Variants in TNNI3K observed in about 807,000 individuals in gnomAD.
TNNI3K encodes the protein TNNI3 interacting kinase.
A neutral mutation model predicts 114.5 loss-of-function variants in TNNI3K; 140 were observed. The ratio of observed to expected loss-of-function variants is 1.22; its 90% CI spans 1.07 to 1.41. TNNI3K has a LOEUF of 1.41. Among genes scored for constraint, TNNI3K ranks in the 40% most tolerant of loss-of-function variants. The pLI is 0.00. For synonymous variants in TNNI3K, 347 were observed against 347.5 expected, an observed-to-expected ratio of 1.00 and a Z score of 0.02; for missense variants, 1,125 against 1,007.6, an observed-to-expected ratio of 1.12 and a Z score of -1.58.
chr1:74,483,440 C>A, intron 21 of TNNI3K: 1 of 673,560 alleles, frequency 1.5e-6, no homozygotes. Flanking sequence ...TATTTCTGTA[C>A]ATACAGGTCA....
chr1:74,455,316 A>G (rs1258116988), intron 20 of TNNI3K, among the ~76,000 whole-genome samples: 1 of 152,208 alleles, frequency 6.6e-6, no homozygotes, highest in Non-Finnish European at 1.5e-5. Flanking sequence ...AAGATGATCC[A>G]GCAGAAAGCT....
chr1:74,266,257 C>G (rs891519634), intron 4 of TNNI3K, among the ~76,000 whole-genome samples: 3 of 151,994 alleles, frequency 2.0e-5, no homozygotes, highest in Non-Finnish European at 2.9e-5. Context: ...CTGGACTTAG[C>G]TAGAACAGTT....
At chr1:74,477,179 A>T (rs1668246379) in intron 21 of TNNI3K, among the ~76,000 whole-genome samples, 1 of 152,160 alleles carries the variant, frequency 6.6e-6, no homozygotes, top group East Asian at 1.9e-4. Flanking sequence ...ATATTAAAAA[A>T]TTAAAAATTA....
chr1:74,313,191 G>T (rs1240163490), intron 5 of TNNI3K, among the ~76,000 whole-genome samples: 1 of 152,078 alleles, frequency 6.6e-6, no homozygotes, highest in Non-Finnish European at 1.5e-5. Context: ...TTATCTCTTT[G>T]GGGGACTCAC....
chr1:74,340,647 G>T (rs1325386813), intron 7 of TNNI3K, among the ~76,000 whole-genome samples: 1 of 152,116 alleles, frequency 6.6e-6, no homozygotes, highest in African/African-American at 2.4e-5. Context: ...AGGGATACTG[G>T]GTGGGGCCAA....
intron 5 of TNNI3K, among the ~76,000 whole-genome samples, chr1:74,303,957 A>G (rs1425505381): frequency 2.0e-5 from 3 of 152,228 alleles, no homozygotes; most frequent in Non-Finnish European, 2.9e-5. Flanking sequence ...AAAATTACAA[A>G]TGAAGCCTGA....
intron 17 of TNNI3K, among the ~76,000 whole-genome samples, chr1:74,391,717 A>G (rs1298790091): frequency 2.6e-5 from 4 of 152,164 alleles, no homozygotes; most frequent in African/African-American, 9.7e-5. Context: ...GAGATCATTT[A>G]TGGAGAAAGA....
intron 11 of TNNI3K, among the ~76,000 whole-genome samples, chr1:74,359,153 A>G (rs1661818019): frequency 6.6e-6 from 1 of 151,932 alleles, no homozygotes; most frequent in African/African-American, 2.4e-5. Flanking sequence ...CTCCATCCTT[A>G]TTATTTAATG....
At chr1:74,422,660 GC>G (rs1192910822) in intron 17 of TNNI3K, among the ~76,000 whole-genome samples, 2 of 152,164 alleles carry the variant, frequency 1.3e-5, no homozygotes, top group African/African-American at 4.8e-5. Context: ...ATTAATGTTT[GC>G]ATTTGTTTTC....
chr1:74,449,525 A>T lies in TNNI3K; in HGVS notation c.2011+9903A>T, dbSNP rs577456787. 4.8e-3 allele frequency among the ~76,000 whole-genome samples: 734 copies of T among 152,164 alleles called. 4 individuals carry two copies. Among genetic ancestry groups the T allele is most frequent in the Non-Finnish European group, 8.5e-3 (577 of 68,014 alleles). ...CAGGAAACCCATCTCACGTGCAGAG[A>T]CACACATAGGCTCAAAATAAAAGGA... On this transcript the variant is annotated intron_variant, in intron 20 of 24. Transcript: ENST00000326637.
At position 74,360,137 on chromosome 1, in the gene TNNI3K, A is replaced by G. The variant is rs1570519488; in HGVS notation, c.1177+6008A>G. On this transcript the variant is annotated intron_variant, in intron 11 of 24. Transcript: ENST00000326637. The stretch of plus-strand genomic sequence containing the variant: ...TCACTATTTTAATTCAGATCCTCAT[A>G]ATACTTCTTCTAATCCATTTTAATA... 4.6e-5 allele frequency among the ~76,000 whole-genome samples: 7 copies of G among 151,776 alleles called. No homozygotes were observed. In the South Asian group the frequency reaches 1.5e-3, roughly 32 times the overall value.
chr1:74,462,730 G>A (rs1667504391), intron 20 of TNNI3K, among the ~76,000 whole-genome samples: 1 of 152,120 alleles, frequency 6.6e-6, no homozygotes, highest in South Asian at 2.1e-4. Context: ...TGCAGAACAG[G>A]AAATATTTAG....
chr1:74,269,516 A>G (rs1035845665), intron 4 of TNNI3K, among the ~76,000 whole-genome samples: 7 of 151,784 alleles, frequency 4.6e-5, no homozygotes, highest in African/African-American at 1.7e-4. Flanking sequence ...TGAGGAGACT[A>G]GTTAGGAAGC....
At chr1:74,441,494 T>C (rs1666372281) in intron 20 of TNNI3K, among the ~76,000 whole-genome samples, 1 of 152,280 alleles carries the variant, frequency 6.6e-6, no homozygotes, top group South Asian at 2.1e-4. Flanking sequence ...TAATTGAGGC[T>C]TTTGTGTGGT....
intron 9 of TNNI3K, among the ~76,000 whole-genome samples, chr1:74,352,077 C>T (rs1379055466): frequency 6.6e-6 from 1 of 152,096 alleles, no homozygotes; most frequent in Non-Finnish European, 1.5e-5. Flanking sequence ...TTCTGCTCTG[C>T]TTTTTCCCCA....
chr1:74,496,222 G>C (rs1669319935), intron 23 of TNNI3K, among the ~76,000 whole-genome samples: 1 of 152,120 alleles, frequency 6.6e-6, no homozygotes, highest in African/African-American at 2.4e-5. Flanking sequence ...CTGTAAGAAG[G>C]GGATGCAGCT....
At chr1:74,372,222 A>T (rs1662653108) in intron 17 of TNNI3K, 1 of 151,828 alleles carries the variant, frequency 6.6e-6, no homozygotes, top group Non-Finnish European at 1.5e-5. Flanking sequence ...ATAATGGGTA[A>T]CACAGCTAGT....
Position 74,543,924 on chromosome 1 carries a change from T to A in TNNI3K, c.2450T>A (p.Met817Lys), listed in dbSNP as rs753062138. ...IDKYGYVSDP[M>K]SSMHFHSCRN... is the part of the protein sequence containing the mutation. ...GATGCAGGCTATGTATCCGATCCCA[T>A]GAGCTCAATGCATTTTCATTCTTGC... Residue 817 changes from methionine (M) to lysine (K), a missense_variant, in exon 25 of 25, where the codon ATG becomes AAG. Coordinates refer to ENST00000326637, the MANE Select transcript of TNNI3K (RefSeq NM_015978.3). The A allele has an allele frequency of 6.2e-7, 1 of 1,613,532 alleles. No homozygotes were observed. The highest frequency in any genetic ancestry group is 1.7e-5 in the Admixed American group (1 of 59,930).
At chr1:74,310,031 T>C (rs1328319753) in intron 5 of TNNI3K, among the ~76,000 whole-genome samples, 2 of 152,186 alleles carry the variant, frequency 1.3e-5, no homozygotes, top group Non-Finnish European at 2.9e-5. Flanking sequence ...CTCTGTTCAC[T>C]GACCATATGA....
Sources: gnomAD v4.1 joint callset for allele counts (sites outside exome capture counted in the v4.1 genomes callset) on GRCh38, gnomAD v4.1.1 for gene constraint, MANE v1.5 for transcripts, NCBI Gene and HGNC (gene_info 2026-07-23, HGNC 2026-07-21) for gene names.